The following SPATA13 variants were observed in gnomAD, a reference collection of about 807,000 sequenced individuals.
SPATA13 encodes the protein spermatogenesis associated 13, also known as spermatogenesis-associated protein 13.
SPATA13 carries 50 observed loss-of-function variants against 104.0 expected under a neutral mutation model. That is an observed-to-expected ratio of 0.48 (90% confidence interval 0.38 to 0.61). The LOEUF (loss-of-function observed/expected upper bound fraction) is 0.61. Ranked by LOEUF, SPATA13 falls within the 20% of genes least tolerant of loss-of-function variation. The pLI is 0.00. For synonymous variants in SPATA13, 606 were observed against 667.5 expected (o/e 0.91, Z 1.42); for missense variants, 1,524 against 1,690.6 (o/e 0.90, Z 1.73).
chr13:24,291,997 C>A (rs28649746), intron 9 of SPATA13, among the ~76,000 whole-genome samples: 11,169 of 151,094 alleles, frequency 0.074, 477 homozygotes, highest in Non-Finnish European at 0.099. Context: ...ACCTCATGAT[C>A]CACCCGCCTC....
At chr13:24,025,813 C>CTTTT (rs61153723) in intron 3 of SPATA13, among the ~76,000 whole-genome samples, 6 of 146,550 alleles carry the variant, frequency 4.1e-5, no homozygotes, top group African/African-American at 5.1e-5. Context: ...TTCTTTCTTT[C>CTTTT]TTTTTTTTTT....
chr13:24,089,278 G>GAGC (rs1293553686), intron 3 of SPATA13, among the ~76,000 whole-genome samples: 4 of 152,110 alleles, frequency 2.6e-5, no homozygotes, highest in African/African-American at 7.2e-5. Flanking sequence ...CATAACCCAT[G>GAGC]AGCAGTGCTA....
At chr13:24,112,017 G>A (rs766329001) in intron 3 of SPATA13, among the ~76,000 whole-genome samples, 2 of 152,186 alleles carry the variant, frequency 1.3e-5, no homozygotes, top group Non-Finnish European at 2.9e-5. Context: ...GTTCTTGACA[G>A]TTGGCAAATG....
At chr13:24,003,878 A>T (rs1314841049) in intron 2 of SPATA13, among the ~76,000 whole-genome samples, 2 of 152,202 alleles carry the variant, frequency 1.3e-5, no homozygotes, top group Non-Finnish European at 1.5e-5. Flanking sequence ...TACATCAGCA[A>T]ATACAGAACC....
intron 1 of SPATA13, among the ~76,000 whole-genome samples, chr13:24,200,872 A>C (rs1266816542): frequency 2.0e-5 from 3 of 152,092 alleles, no homozygotes; most frequent in African/African-American, 7.2e-5. Flanking sequence ...ACACAGTTTC[A>C]CGTAATAGTC....
At chr13:24,153,573 G>A (rs542384923) in intron 3 of SPATA13, among the ~76,000 whole-genome samples, 7 of 152,298 alleles carry the variant, frequency 4.6e-5, no homozygotes, top group South Asian at 2.1e-4. Flanking sequence ...CAGAGGACAC[G>A]TGGTAGAGAG....
intron 10 of SPATA13, among the ~76,000 whole-genome samples, 181 bp from the exon 11 acceptor site, chr13:24,297,182 G>T (rs1876844869): frequency 6.6e-6 from 1 of 152,084 alleles, no homozygotes; most frequent in Non-Finnish European, 1.5e-5. Flanking sequence ...AGGACTACAG[G>T]TGTGTGCCAC....
In SPATA13 at chr13:24,153,795, G is replaced by A. The variant is rs1426193301; in HGVS notation, c.-111-69024G>A. On this transcript the variant is annotated intron_variant, in intron 3 of 14. Coordinates refer to the SPATA13 transcript ENST00000424834. ...ATTGATGACCACTAAAAATTACTGG[G>A]AAGTGGGCTGGTGAGGTATAGTGAG... Among the ~76,000 whole-genome samples the A allele has an allele frequency of 2.6e-5, 4 of 152,206 alleles. No individual in the cohort carries two copies. The East Asian group carries it at 5.8e-4, about 22-fold the overall frequency.
At chr13:24,029,505 T>C (rs1417757587) in intron 3 of SPATA13, among the ~76,000 whole-genome samples, 1 of 152,172 alleles carries the variant, frequency 6.6e-6, no homozygotes, top group African/African-American at 2.4e-5. Flanking sequence ...AATAAAAAAA[T>C]TTTGTATGTT....
intron 3 of SPATA13, among the ~76,000 whole-genome samples, chr13:24,074,231 C>G (rs1367433085): frequency 1.3e-5 from 2 of 152,206 alleles, no homozygotes; most frequent in African/African-American, 4.8e-5. Flanking sequence ...TATGAATTTG[C>G]CTACTCTAGG....
intron 3 of SPATA13, among the ~76,000 whole-genome samples, chr13:24,105,495 G>C (rs1880413852): frequency 1.3e-5 from 2 of 150,440 alleles, no homozygotes; most frequent in Non-Finnish European, 1.5e-5. Context: ...GAGTCATTCT[G>C]GGATTGCCAG....
chr13:24,096,015 G>T lies in SPATA13; in HGVS notation c.-112+78314G>T, dbSNP rs528235136. On this transcript the variant is annotated intron_variant, in intron 3 of 14. Transcript: ENST00000424834. ...TACACCTGCCTCTGAGAGGCTGCCTGGGTCACTTCCCAGCTAAGCCTGGTG... is the reference window on the plus strand; with the variant it reads ...TACACCTGCCTCTGAGAGGCTGCCTTGGTCACTTCCCAGCTAAGCCTGGTG... 2.0e-5 allele frequency among the ~76,000 whole-genome samples: 3 copies of T among 152,306 alleles called. No individual in the cohort carries two copies. In the East Asian group the frequency reaches 5.8e-4, roughly 29 times the overall value.
chr13:23,980,873 T>C (rs1008910466), intron 1 of SPATA13, among the ~76,000 whole-genome samples: 15 of 152,318 alleles, frequency 9.8e-5, no homozygotes, highest in African/African-American at 3.6e-4. Context: ...ATTAGAAGCT[T>C]GAGCCACTGC....
intron 1 of SPATA13, among the ~76,000 whole-genome samples, chr13:24,200,838 C>G (rs989795795): frequency 2.0e-5 from 3 of 151,698 alleles, no homozygotes; most frequent in African/African-American, 7.3e-5. Context: ...ACCAAAAAAC[C>G]CCACTCACTC....
intron 2 of SPATA13, among the ~76,000 whole-genome samples, chr13:24,231,065 G>T (rs144968291): frequency 4.3e-4 from 66 of 152,298 alleles, no homozygotes; most frequent in Non-Finnish European, 7.6e-4. Flanking sequence ...GCTCCCCCCA[G>T]AAGGCTTCCC....
At chr13:24,278,826 G>T in intron 4 of SPATA13, 2 of 1,592,962 alleles carry the variant, frequency 1.3e-6, no homozygotes. Context: ...TTGAAGGCAA[G>T]TTCATCTGAC....
At chr13:24,287,127 G>A (rs1876015461) in intron 7 of SPATA13, among the ~76,000 whole-genome samples, 177 bp downstream of exon 7, 2 of 150,550 alleles carry the variant, frequency 1.3e-5, no homozygotes, top group South Asian at 2.1e-4. Flanking sequence ...CCTAGCTGTT[G>A]GTGGAGGTTT....
At chr13:24,236,933 T>C (rs1872604247) in intron 2 of SPATA13, among the ~76,000 whole-genome samples, 1 of 152,164 alleles carries the variant, frequency 6.6e-6, no homozygotes, top group South Asian at 2.1e-4. Context: ...AACAGGTATT[T>C]AGACACCCAT....
rs762851737 is a variant in SPATA13 at position 24,223,861 on chromosome 13, C to T, written c.932C>T (p.Pro311Leu). Reference sequence around the variant, plus strand: ...GGAAGGACCAAACGCTGGAGGAGCCCGATAAGGGCCAAGGACTTTGACAGA... The same window carrying T: ...GGAAGGACCAAACGCTGGAGGAGCCTGATAAGGGCCAAGGACTTTGACAGA... The part of the protein sequence containing the change: ...GSGRTKRWRS[P>L]IRAKDFDRVF... Residue 311 changes from proline (P) to leucine (L), a missense_variant, in exon 2 of 13, where the codon CCG becomes CTG. Physicochemically the swap from Pro to Leu is moderately conservative, Grantham distance 98 (BLOSUM62 -3). Transcript: ENST00000382108. 3.2e-6 allele frequency: 5 copies of T among 1,551,538 alleles called. No individual in the cohort carries two copies. The highest frequency in any genetic ancestry group is 2.0e-5 in the Admixed American group (1 of 50,986).
Sources: allele counts gnomAD v4.1 joint callset (sites outside exome capture counted in the v4.1 genomes callset), GRCh38; gene constraint gnomAD v4.1.1; transcripts MANE v1.5; gene names NCBI Gene and HGNC (gene_info 2026-07-23, HGNC 2026-07-21).